NSD3: variants seen among roughly 807,000 people sequenced by gnomAD.
NSD3 encodes nuclear receptor binding SET domain protein 3.
In NSD3, 24 loss-of-function variants were observed where a neutral mutation model predicts 160.8. The ratio of observed to expected loss-of-function variants is 0.15; its 90% CI spans 0.11 to 0.21. The LOEUF is 0.21. Ranked by LOEUF, NSD3 falls within the 10% of genes least tolerant of loss-of-function variation. The pLI, the probability that NSD3 is intolerant of heterozygous loss-of-function variation, is 1.00. For missense variants in NSD3, 1,157 were observed against 1,735.9 expected (o/e 0.67, Z 5.93); for synonymous variants, 520 against 600.0 (o/e 0.87, Z 1.95).
At chr8:38,301,581 A>G (rs1204706737) in intron 14 of NSD3, among the ~76,000 whole-genome samples, 1 of 150,420 alleles carries the variant, frequency 6.6e-6, no homozygotes, top group East Asian at 1.9e-4. Flanking sequence ...ACTCTGTCTC[A>G]AAAAAAAAAG....
At chr8:38,292,269 T>C (rs556213715) in intron 16 of NSD3, among the ~76,000 whole-genome samples, 13 of 152,342 alleles carry the variant, frequency 8.5e-5, no homozygotes, top group African/African-American at 2.6e-4. Flanking sequence ...CAGAAATGTA[T>C]AGTAGAAAAG....
rs749249311 is a variant in NSD3, at chr8:38,279,524, C to T, written c.3760+16G>A. 1.4e-5 allele frequency: 23 copies of T among 1,611,564 alleles called. No individual in the cohort carries two copies. The highest frequency in any genetic ancestry group is 3.3e-5 in the Admixed American group (2 of 59,968). On this transcript the variant is annotated intron_variant, in intron 21 of 23. Coordinates refer to ENST00000317025, the MANE Select transcript of NSD3 (RefSeq NM_023034.2). The stretch of plus-strand genomic sequence containing the variant: ...TTCCTAGGGAGGAAAGCATGGGGAA[C>T]GAGTCACTTTTTTACCTGCAGGAAT...
At chr8:38,381,171 CCT>C in intron 1 of NSD3, among the ~76,000 whole-genome samples, 1 of 152,226 alleles carries the variant, frequency 6.6e-6, no homozygotes, top group East Asian at 1.9e-4. Context: ...CGTTCTCATC[CCT>C]GTCATCATTC....
intron 6 of NSD3, among the ~76,000 whole-genome samples, chr8:38,328,511 G>A (rs1054553132): frequency 2.0e-5 from 3 of 152,118 alleles, no homozygotes; most frequent in Admixed American, 2.0e-4. Flanking sequence ...GGGCAGACCA[G>A]GTTAAAAGAG....
Position 38,337,454 on chromosome 8 carries a change from A to G in NSD3, c.761T>C (p.Leu254Pro). Reference protein sequence around the residue: ...LKEEAPVQPILSSVPTTEVST... With the variant: ...LKEEAPVQPIPSSVPTTEVST... ...CACTTCCGTTGTTGGAACAGAAGAT[A>G]GTATTGGCTGAACCTACAGGAAAGG... Residue 254 changes from leucine (L) to proline (P), a missense_variant, in exon 4 of 24, where the codon CTA (leucine) becomes CCA (proline). Physicochemically the swap from Leu to Pro is moderately conservative, Grantham distance 98. This residue lies in a region of NSD3 where 99 missense variants were observed against 151.8 expected (regional missense o/e 0.65). Coordinates refer to ENST00000317025, the MANE Select transcript of NSD3 (RefSeq NM_023034.2). 8.8e-6 allele frequency: 14 copies of G among 1,593,898 alleles called. No individual in the cohort carries two copies. Among genetic ancestry groups the G allele is most frequent in the Non-Finnish European group, 1.2e-5 (14 of 1,172,610 alleles).
intron 12 of NSD3, among the ~76,000 whole-genome samples, chr8:38,305,940 A>C (rs1165698032): frequency 6.6e-6 from 1 of 152,190 alleles, no homozygotes; most frequent in Non-Finnish European, 1.5e-5. Context: ...ATCCACAAAA[A>C]AGACAATTAC....
intron 19 of NSD3, among the ~76,000 whole-genome samples, chr8:38,282,645 T>C (rs372262359): frequency 1.3e-5 from 2 of 152,142 alleles, no homozygotes; most frequent in African/African-American, 4.8e-5. Context: ...CCCTCCAGCC[T>C]GGGTGACAGA....
At chr8:38,375,622 T>G (rs1290627610) in intron 1 of NSD3, among the ~76,000 whole-genome samples, 2 of 152,050 alleles carry the variant, frequency 1.3e-5, no homozygotes, top group Non-Finnish European at 2.9e-5. Flanking sequence ...ATAAGCAATT[T>G]CTTACATTTG....
chr8:38,362,823 CTG>C (rs1191132382), intron 1 of NSD3, among the ~76,000 whole-genome samples: 1 of 152,162 alleles, frequency 6.6e-6, no homozygotes, highest in African/African-American at 2.4e-5. Context: ...GTAAGAGAAA[CTG>C]TCACAACATC....
intron 19 of NSD3, among the ~76,000 whole-genome samples, chr8:38,286,796 CT>C (rs1355485513): frequency 3.3e-5 from 5 of 152,186 alleles, no homozygotes; most frequent in Non-Finnish European, 5.9e-5. Flanking sequence ...ACACTGCAGC[CT>C]TTACAGCTGC....
At chr8:38,352,022 T>TA (rs1163247334) in intron 1 of NSD3, among the ~76,000 whole-genome samples, 233 of 138,708 alleles carry the variant, frequency 1.7e-3, no homozygotes, top group African/African-American at 4.4e-3. Context: ...AAAGTATAAT[T>TA]AAAAAAAAAA....
intron 1 of NSD3, among the ~76,000 whole-genome samples, chr8:38,375,796 A>C (rs1811373312): frequency 6.6e-6 from 1 of 152,024 alleles, no homozygotes; most frequent in African/African-American, 2.4e-5. Context: ...TTTTCAAAAA[A>C]TAATAGACTG....
At chr8:38,356,970 T>C (rs1810838836) in intron 1 of NSD3, among the ~76,000 whole-genome samples, 2 of 149,740 alleles carry the variant, frequency 1.3e-5, no homozygotes, top group Admixed American at 1.3e-4. Flanking sequence ...AATACAAAAA[T>C]TAGCCAGGCA....
At position 38,281,501 on chromosome 8, in the gene NSD3, C is replaced by T; in HGVS notation, c.3584G>A (p.Ser1195Asn). Residue 1195 changes from serine (S) to asparagine (N), a missense_variant, in exon 20 of 24, where the codon AGT becomes AAT. Around this residue, in one of 10 missense-constraint regions of NSD3, gnomAD observed 222 missense variants for 409.9 expected, o/e 0.54. Coordinates refer to ENST00000317025, the MANE Select transcript of NSD3 (RefSeq NM_023034.2). ...RLRIKRAHENSVTNFYMLTVT... is the reference protein window; with the variant it reads ...RLRIKRAHENNVTNFYMLTVT... ...AGTTAACATATAAAAATTAGTTACA[C>T]TGTTCTCGTGGGCTCGCTTGATTCG... The T allele has an allele frequency of 6.4e-7, 1 of 1,552,694 alleles. No individual in the cohort carries two copies. Among genetic ancestry groups the T allele is most frequent in the Non-Finnish European group, 8.7e-7 (1 of 1,146,516 alleles).
At chr8:38,285,890 T>C (rs945568430) in intron 19 of NSD3, among the ~76,000 whole-genome samples, 2 of 151,918 alleles carry the variant, frequency 1.3e-5, no homozygotes, top group African/African-American at 2.4e-5. Context: ...CACGTCACCA[T>C]TGTCTTTCTC....
rs1041773605 is a variant in NSD3 at position 38,273,176 on chromosome 8, T to C, written c.*2465A>G. The stretch of plus-strand genomic sequence containing the variant: ...CCATGCCCGGCTCCTTTTTGTATTT[T>C]TAGCAGAGACAGGGTTTCACCATGT... On this transcript the variant is annotated 3_prime_UTR_variant, in exon 24 of 24. Coordinates refer to ENST00000317025, the MANE Select transcript of NSD3 (RefSeq NM_023034.2). The C allele has an allele frequency of 6.6e-6, 1 of 152,246 alleles. No individual in the cohort carries two copies. The highest frequency in any genetic ancestry group is 6.5e-5 in the Admixed American group (1 of 15,274). The allele number at this position is 152,246 out of a possible 1,614,324, so 9.4% of individuals were successfully genotyped here. A position where few individuals can be genotyped will look rare whatever the true frequency, so the allele number is the denominator to read the frequency against.
intron 20 of NSD3, 99 bp from the exon 21 acceptor site, chr8:38,279,780 A>C: frequency 7.3e-7 from 1 of 1,362,078 alleles, no homozygotes; most frequent in Non-Finnish European, 9.9e-7. Context: ...TTTGCTACCA[A>C]CTGGTGTTTG....
At chr8:38,285,485 T>A (rs1226626999) in intron 19 of NSD3, among the ~76,000 whole-genome samples, 1 of 152,242 alleles carries the variant, frequency 6.6e-6, no homozygotes, top group Admixed American at 6.5e-5. Context: ...TCTAGCTATT[T>A]TGTAAAAGAC....
chr8:38,304,445 G>A, intron 14 of NSD3, 142 bp downstream of exon 14: 1 of 649,918 alleles, frequency 1.5e-6, no homozygotes, highest in Non-Finnish European at 2.5e-6. Flanking sequence ...TCTCTCTCAG[G>A]GATATATTAC....
Sources: gnomAD v4.1 joint callset for allele counts (sites outside exome capture counted in the v4.1 genomes callset) on GRCh38, gnomAD v4.1.1 for gene constraint, gnomAD v4.1.1 regional missense constraint, MANE v1.5 for transcripts, NCBI Gene and HGNC (gene_info 2026-07-23, HGNC 2026-07-21) for gene names.